Variants in STARD13 observed in about 807,000 individuals in gnomAD.
STARD13 encodes the protein stAR-related lipid transfer protein 13.
In STARD13, 62 loss-of-function variants were observed where a neutral mutation model predicts 106.4. That is an observed-to-expected ratio of 0.58 (90% CI 0.48 to 0.72). The LOEUF (loss-of-function observed/expected upper bound fraction) is 0.72. Ranked by LOEUF, STARD13 falls within the 30% of genes least tolerant of loss-of-function variation. The pLI, the probability that STARD13 is intolerant of heterozygous loss-of-function variation, is 0.00. For missense variants in STARD13, 1,387 were observed against 1,424.0 expected (o/e 0.97, Z 0.42); for synonymous variants, 565 against 553.0 (o/e 1.02, Z -0.31).
Position 33,104,516 on chromosome 13 carries a change from G to C in STARD13, c.*1077C>G, listed in dbSNP as rs1244045862. 1 of 152,634 alleles carries C rather than the reference G, an allele frequency of 6.6e-6. No individual in the cohort carries two copies. Among genetic ancestry groups the C allele is most frequent in the Non-Finnish European group, 1.5e-5 (1 of 68,044 alleles). The allele number at this position is 152,634 out of a possible 1,614,324, so 9.5% of individuals were successfully genotyped here. Reference sequence around the variant, plus strand: ...AATATGAATTCCCTGAAGCTGTAACGATCTAGGATTTGAACGGAATGGCCA... The same window carrying C: ...AATATGAATTCCCTGAAGCTGTAACCATCTAGGATTTGAACGGAATGGCCA... On this transcript the variant is annotated 3_prime_UTR_variant, in exon 14 of 14. Transcript: ENST00000336934.
chr13:33,283,320 T>G (rs1270321165), intron 1 of STARD13, among the ~76,000 whole-genome samples: 1 of 152,202 alleles, frequency 6.6e-6, no homozygotes, highest in Non-Finnish European at 1.5e-5. Context: ...TCTAGTGTAT[T>G]GCAGAGCATG....
At chr13:33,408,716 C>A in the STARD13 span, among the ~76,000 whole-genome samples, 1 of 152,188 alleles carries the variant, frequency 6.6e-6, no homozygotes, top group East Asian at 1.9e-4. Context: ...AAGATCTGGC[C>A]TTGGCTGATG....
At chr13:33,167,453 G>A (rs1883450530) in intron 2 of STARD13, 98 bp downstream of exon 2, 4 of 1,299,282 alleles carry the variant, frequency 3.1e-6, no homozygotes, top group South Asian at 1.3e-5. Context: ...CAAAATGGGC[G>A]AGAAAAAAAA....
At chr13:33,334,164 G>A (rs967558525) in intron 1 of STARD13, 1 of 152,338 alleles carries the variant, frequency 6.6e-6, no homozygotes, top group East Asian at 1.9e-4. Flanking sequence ...AAGTTTGCTA[G>A]GCACTGATTT....
chr13:33,117,115 T>C (rs949180140), intron 8 of STARD13, among the ~76,000 whole-genome samples: 1 of 152,156 alleles, frequency 6.6e-6, no homozygotes, highest in Non-Finnish European at 1.5e-5. Context: ...TTAATTTCAT[T>C]CTTTTTTTTC....
chr13:33,652,369 T>G, the STARD13 span, among the ~76,000 whole-genome samples: 1 of 152,216 alleles, frequency 6.6e-6, no homozygotes, highest in East Asian at 1.9e-4. Flanking sequence ...GAAGACGAAT[T>G]TAAGCCACAA....
At chr13:33,588,910 C>T in the STARD13 span, among the ~76,000 whole-genome samples, 1 of 152,148 alleles carries the variant, frequency 6.6e-6, no homozygotes, top group African/African-American at 2.4e-5. Context: ...TACAATAAAC[C>T]AAGTGCTGGT....
chr13:33,142,672 G>C (rs1300072729), intron 3 of STARD13, among the ~76,000 whole-genome samples: 1 of 152,058 alleles, frequency 6.6e-6, no homozygotes, highest in East Asian at 1.9e-4. Flanking sequence ...GATCATTTTA[G>C]CCATACTTTC....
At chr13:33,466,783 A>G in the STARD13 span, among the ~76,000 whole-genome samples, 1 of 152,218 alleles carries the variant, frequency 6.6e-6, no homozygotes, top group Non-Finnish European at 1.5e-5. Flanking sequence ...ATTAGTTGCT[A>G]TTTATAAATT....
chr13:33,293,317 A>C (rs1892362419), intron 1 of STARD13, among the ~76,000 whole-genome samples: 1 of 152,182 alleles, frequency 6.6e-6, no homozygotes, highest in Non-Finnish European at 1.5e-5. Flanking sequence ...GAGTGGGAGG[A>C]CATCAGTAGC....
At chr13:33,396,608 G>T in the STARD13 span, among the ~76,000 whole-genome samples, 1 of 152,056 alleles carries the variant, frequency 6.6e-6, no homozygotes, top group East Asian at 1.9e-4. Context: ...ATTAATTTTA[G>T]TTCTGTGTCT....
chr13:33,381,679 G>A, the STARD13 span, among the ~76,000 whole-genome samples: 1 of 152,180 alleles, frequency 6.6e-6, no homozygotes, highest in Non-Finnish European at 1.5e-5. Flanking sequence ...GGCGGAGGTT[G>A]CAGTGAGCTG....
chr13:33,227,020 A>ATTAAG (rs1394387064), intron 1 of STARD13, among the ~76,000 whole-genome samples: 89 of 152,276 alleles, frequency 5.8e-4, no homozygotes, highest in Non-Finnish European at 1.1e-3. Context: ...CAGATTAAGA[A>ATTAAG]CCTCTGCCCC....
the STARD13 span, among the ~76,000 whole-genome samples, chr13:33,499,525 CT>C: frequency 1.1e-3 from 41 of 36,166 alleles, no homozygotes; most frequent in Admixed American, 1.8e-3. Context: ...TTTCTTTCTT[CT>C]TCTTCTTCTT....
At chr13:33,184,565 T>C (rs866249106) in intron 1 of STARD13, among the ~76,000 whole-genome samples, 67 of 152,250 alleles carry the variant, frequency 4.4e-4, no homozygotes, top group Middle Eastern at 6.8e-3. Flanking sequence ...ACTCTATGGG[T>C]CCCTGAGCAA....
the STARD13 span, among the ~76,000 whole-genome samples, chr13:33,669,196 A>G: frequency 1.3e-5 from 2 of 152,232 alleles, no homozygotes; most frequent in Admixed American, 1.3e-4. Context: ...CCTTCAGCCT[A>G]TAATCCGCAG....
chr13:33,323,749 T>G (rs981805698), intron 1 of STARD13, among the ~76,000 whole-genome samples: 1 of 152,234 alleles, frequency 6.6e-6, no homozygotes, highest in Admixed American at 6.5e-5. Context: ...GCCAGAAATA[T>G]GCATCATGCT....
intron 1 of STARD13, among the ~76,000 whole-genome samples, chr13:33,213,144 TA>T (rs1409342512): frequency 6.6e-6 from 1 of 152,192 alleles, no homozygotes; most frequent in African/African-American, 2.4e-5. Flanking sequence ...GCTGGGTACA[TA>T]AAATTCCAAT....
the STARD13 span, among the ~76,000 whole-genome samples, chr13:33,361,840 C>T: frequency 1.3e-5 from 2 of 152,324 alleles, no homozygotes; most frequent in Non-Finnish European, 2.9e-5. Context: ...TACCCCCTAA[C>T]ACTGGGAATT....
Sources: allele counts gnomAD v4.1 joint callset (sites outside exome capture counted in the v4.1 genomes callset), GRCh38; gene constraint gnomAD v4.1.1; transcripts MANE v1.5; gene names NCBI Gene and HGNC (gene_info 2026-07-23, HGNC 2026-07-21).